MUC17: variants seen among roughly 807,000 people sequenced by gnomAD.
MUC17 encodes mucin-17.
A neutral mutation model predicts 170.3 loss-of-function variants in MUC17; 190 were observed. That is an observed-to-expected ratio of 1.12 (90% CI 0.99 to 1.26). The LOEUF (loss-of-function observed/expected upper bound fraction) is 1.26, where lower values mean the gene tolerates loss of function less well. Ranked by LOEUF, MUC17 falls within the 50% of genes most tolerant of loss-of-function variation. MUC17 has a pLI of 0.00. For missense variants in MUC17, 6,415 were observed against 5,530.0 expected (o/e 1.16, Z -5.08); for synonymous variants, 2,325 against 2,002.5 (o/e 1.16, Z -4.30).
rs1273924242 is a variant in MUC17 at position 101,041,211 on chromosome 7, T to C, written c.9795T>C (p.Thr3265=). ...TSTEASSSPP[T]AEGTSMPTST... is the part of the protein sequence containing the mutation. ...CTGAAGCCAGTTCATCTCCTCCCAC[T>C]GCTGAAGGTACCAGCATGCCAACCT... is the stretch of plus-strand genomic sequence containing the variant. The change falls in exon 3 of 13, where the codon ACT becomes ACC. Residue 3265 remains threonine, a synonymous_variant. Transcript: ENST00000306151. 6.2e-7 allele frequency: 1 copy of C among 1,613,200 alleles called. No individual in the cohort carries two copies. The highest frequency in any genetic ancestry group is 1.3e-5 in the African/African-American group (1 of 74,778).
At position 101,042,075 on chromosome 7, in the gene MUC17, A is replaced by C. The variant is rs759998491; in HGVS notation, c.10659A>C (p.Gln3553His). The C allele has an allele frequency of 6.2e-7, 1 of 1,613,970 alleles. No homozygotes were observed. The highest frequency in any genetic ancestry group is 8.5e-7 in the Non-Finnish European group (1 of 1,179,992). The change falls in exon 3 of 13, where the codon CAA becomes CAC. Residue 3553 changes from glutamine (Q) to histidine (H), a missense_variant. By Grantham distance (24) the Gln-to-His change is conservative. Coordinates refer to ENST00000306151, the MANE Select transcript of MUC17 (RefSeq NM_001040105.2). The stretch of plus-strand genomic sequence containing the variant: ...ACACTTTTGTTACCAGTTCTAGTCA[A>C]GCCAGTTCATCTCCAGCAACTCTTC... ...DSNTFVTSSSQASSSPATLQV... is the reference protein window; with the variant it reads ...DSNTFVTSSSHASSSPATLQV...
In MUC17 at chr7:101,033,261, A is replaced by C. The variant is rs1039284238; in HGVS notation, c.1845A>C (p.Glu615Asp). The change falls in exon 3 of 13, where the codon GAA becomes GAC. Residue 615 changes from glutamate to aspartate, a missense_variant. Physicochemically the swap from Glu to Asp is conservative, Grantham distance 45. Coordinates refer to ENST00000306151, the MANE Select transcript of MUC17 (RefSeq NM_001040105.2). The part of the protein sequence containing the change: ...SEASSSSTTA[E>D]GTSMPTSTYS... ...CTAGTTCATCTTCTACAACTGCTGA[A>C]GGTACCAGCATGCCAACCTCAACTT... is the stretch of plus-strand genomic sequence containing the variant. 1.8e-5 allele frequency: 29 copies of C among 1,613,896 alleles called. 1 individual carries two copies. The highest frequency in any genetic ancestry group is 1.0e-4 in the Admixed American group (6 of 59,976).
At position 101,034,018 on chromosome 7, in the gene MUC17, A is replaced by G. The variant is rs1484473615; in HGVS notation, c.2602A>G (p.Thr868Ala). 1.2e-6 allele frequency: 2 copies of G among 1,601,642 alleles called. No homozygotes were observed. Among genetic ancestry groups the G allele is most frequent in the South Asian group, 1.1e-5 (1 of 89,744 alleles). ...STYSEGRTPL[T>A]SMPVSTTLVA... The stretch of plus-strand genomic sequence containing the variant: ...TTATAGTGAAGGAAGAACTCCTTTA[A>G]CAAGTATGCCTGTCAGCACCACACT... The change falls in exon 3 of 13, where the codon ACA (threonine) becomes GCA (alanine). Residue 868 changes from threonine (T) to alanine (A), a missense_variant. Thr to Ala is a moderately conservative substitution (Grantham distance 58). Transcript: ENST00000306151.
chr7:101,057,865 G>A, intron 12 of MUC17, 138 bp from the exon 13 acceptor site: 1 of 672,556 alleles, frequency 1.5e-6, no homozygotes. Context: ...GGATGGCAGA[G>A]TAAGACCCTG....
intron 1 of MUC17, among the ~76,000 whole-genome samples, chr7:101,020,418 C>A (rs1328585696): frequency 1.3e-5 from 2 of 152,176 alleles, no homozygotes; most frequent in African/African-American, 4.8e-5. Flanking sequence ...GGCATTGGAG[C>A]CTCTTCCAGT....
rs776495346 is a variant in MUC17 at position 101,037,090 on chromosome 7, G to C, written c.5674G>C (p.Ala1892Pro). 2 of 1,583,276 alleles carry C rather than the reference G, an allele frequency of 1.3e-6. No individual in the cohort carries two copies. The highest frequency in any genetic ancestry group is 1.7e-5 in the Admixed American group (1 of 58,138). The change falls in exon 3 of 13, where the codon GCT (alanine) becomes CCT (proline). Residue 1892 changes from alanine (A) to proline (P), a missense_variant. Coordinates refer to ENST00000306151, the MANE Select transcript of MUC17 (RefSeq NM_001040105.2). ...AACCAACACCCTTTCAACAACTCCC[G>C]CTGTCACCAGCACACCTGTGACCAC... is the stretch of plus-strand genomic sequence containing the variant. The part of the protein sequence containing the change: ...SETNTLSTTP[A>P]VTSTPVTTYA...
chr7:101,050,784 A>G, intron 7 of MUC17, 149 bp downstream of exon 7: 1 of 1,219,182 alleles, frequency 8.2e-7, no homozygotes. Flanking sequence ...GTTGCAGCGC[A>G]AAGAAGCCCC....
chr7:101,023,173 G>T (rs1033439465), intron 1 of MUC17, among the ~76,000 whole-genome samples: 1 of 151,956 alleles, frequency 6.6e-6, no homozygotes, highest in East Asian at 1.9e-4. Flanking sequence ...ACTTCATCTC[G>T]CTGTGGGTGT....
chr7:101,042,941 C>T lies in MUC17; in HGVS notation c.11525C>T (p.Thr3842Ile), dbSNP rs1297609468. ...ACACTTTCAACACCTCCTGGTGATA[C>T]CAGCACACCTTTGCTCACCTCTACC... ...ASTLSTPPGDTSTPLLTSTKA... is the reference protein window; with the variant it reads ...ASTLSTPPGDISTPLLTSTKA... Residue 3842 changes from threonine (T) to isoleucine (I), a missense_variant, in exon 3 of 13, where the codon ACC becomes ATC. By Grantham distance (89) the Thr-to-Ile change is moderately conservative (BLOSUM62 -1). Transcript: ENST00000306151. 6.2e-7 allele frequency: 1 copy of T among 1,614,160 alleles called. No homozygotes were observed. Among genetic ancestry groups the T allele is most frequent in the Non-Finnish European group, 8.5e-7 (1 of 1,180,038 alleles).
intron 7 of MUC17, 124 bp from the exon 8 acceptor site, chr7:101,051,489 C>T (rs975674660): frequency 3.0e-5 from 25 of 846,282 alleles, no homozygotes; most frequent in East Asian, 8.3e-5. Context: ...GCCCCTCTGC[C>T]GGGGCCGGAT....
At chr7:101,028,336 G>A (rs1270037468) in intron 1 of MUC17, among the ~76,000 whole-genome samples, 1 of 151,782 alleles carries the variant, frequency 6.6e-6, no homozygotes. Flanking sequence ...TGATCTGCCC[G>A]CCTCGGCCTC....
chr7:101,056,253 A>G lies in MUC17; in HGVS notation c.13423A>G (p.Ile4475Val). The G allele has an allele frequency of 5.0e-6, 8 of 1,613,916 alleles. No homozygotes were observed. Among genetic ancestry groups the G allele is most frequent in the Non-Finnish European group, 5.9e-6 (7 of 1,179,882 alleles). ...YSNFQPSLRH[I>V]DPETKIRIQR... The stretch of plus-strand genomic sequence containing the variant: ...TAATTTCCAGCCCTCCTTGAGACAC[A>G]TAGACCCTGAAACAAAGGTAAGAAG... The change falls in exon 12 of 13, where the codon ATA becomes GTA. Residue 4475 changes from isoleucine (I) to valine (V), a missense_variant. Transcript: ENST00000306151.
chr7:101,026,857 G>A (rs1794189143), intron 1 of MUC17, among the ~76,000 whole-genome samples: 1 of 152,100 alleles, frequency 6.6e-6, no homozygotes, highest in African/African-American at 2.4e-5. Flanking sequence ...TGGGACTACA[G>A]GCACGCACCA....
rs1387004689 is a variant in MUC17, at chr7:101,035,689, A to G, written c.4273A>G (p.Thr1425Ala). 6.2e-7 allele frequency: 1 copy of G among 1,607,026 alleles called. No homozygotes were observed. The highest frequency in any genetic ancestry group is 8.5e-7 in the Non-Finnish European group (1 of 1,176,196). Residue 1425 changes from threonine to alanine, a missense_variant, in exon 3 of 13, where the codon ACC becomes GCC. Thr to Ala is a moderately conservative substitution (Grantham distance 58). Coordinates refer to ENST00000306151, the MANE Select transcript of MUC17 (RefSeq NM_001040105.2). ...TTCAGCAACTCCTGTTGACACCAGC[A>G]CCCCTGGGACCACTTCTGCTGAAGC... ...TLSATPVDTS[T>A]PGTTSAEATS...
chr7:101,034,620 C>T lies in MUC17; in HGVS notation c.3204C>T (p.Asp1068=), dbSNP rs551869721. Residue 1068 remains aspartate (D), a synonymous_variant, in exon 3 of 13, where the codon GAC becomes GAT. Transcript: ENST00000306151. The stretch of plus-strand genomic sequence containing the variant: ...GCACACTTTCAACAACTCCTGCTGA[C>T]ACCAGCACACCTGTGACCACTTATT... ...ETSTLSTTPA[D]TSTPVTTYSQ... is the part of the protein sequence containing the mutation. The T allele has an allele frequency of 6.2e-6, 10 of 1,607,600 alleles. No homozygotes were observed. The highest frequency in any genetic ancestry group is 2.2e-5 in the East Asian group (1 of 44,656).
Position 101,050,587 on chromosome 7 carries a change from A to G in MUC17, c.12826A>G (p.Ile4276Val). 1 of 1,614,204 alleles carries G rather than the reference A, an allele frequency of 6.2e-7. No individual in the cohort carries two copies. The highest frequency in any genetic ancestry group is 2.2e-5 in the East Asian group (1 of 44,880). ...DNATEVVKEK[I>V]TKVTTQQIMI... Reference sequence around the variant, plus strand: ...TGCCACCGAAGTAGTGAAAGAGAAAATCACAAAAGTGACCACACAGCAAAT... The same window carrying G: ...TGCCACCGAAGTAGTGAAAGAGAAAGTCACAAAAGTGACCACACAGCAAAT... The change falls in exon 7 of 13, where the codon ATC (isoleucine) becomes GTC (valine). Residue 4276 changes from isoleucine (I) to valine (V), a missense_variant. By Grantham distance (29) the Ile-to-Val change is conservative. Transcript: ENST00000306151.
chr7:101,041,053 C>G lies in MUC17; in HGVS notation c.9637C>G (p.Pro3213Ala), dbSNP rs752796578. The G allele has an allele frequency of 2.9e-5, 46 of 1,613,420 alleles. No homozygotes were observed. The Admixed American group carries it at 7.7e-4, about 27-fold the overall frequency. ...TACAACTGCTGAAGGTACCAGCATT[C>G]CAACCTCAACTCCTAGTGAAGGAAT... ...SSTTAEGTSIPTSTPSEGMTP... is the reference protein window; with the variant it reads ...SSTTAEGTSIATSTPSEGMTP... The change falls in exon 3 of 13, where the codon CCA becomes GCA. Residue 3213 changes from proline to alanine, a missense_variant. Transcript: ENST00000306151.
At chr7:101,056,106 C>T (rs755153143) in intron 11 of MUC17, 88 bp from the exon 12 acceptor site, 137 of 1,577,948 alleles carry the variant, frequency 8.7e-5, no homozygotes, top group Admixed American at 7.2e-4. Flanking sequence ...AAAACTGTCT[C>T]ATCCTCCATC....
chr7:101,033,207 C>T lies in MUC17; in HGVS notation c.1791C>T (p.Ser597=), dbSNP rs761255779. Residue 597 remains serine, a synonymous_variant, in exon 3 of 13, where the codon TCC becomes TCT. Transcript: ENST00000306151. ...ASTTSTTPAD[S]NTFVTTSSEA... ...CCACTTCAACAACTCCTGCTGACTC[C>T]AACACTTTTGTGACCACTTCTAGTG... The T allele has an allele frequency of 1.2e-6, 2 of 1,614,032 alleles. No homozygotes were observed. Among genetic ancestry groups the T allele is most frequent in the East Asian group, 2.2e-5 (1 of 44,858 alleles).
Sources: gnomAD v4.1 joint callset for allele counts (sites outside exome capture counted in the v4.1 genomes callset) on GRCh38, gnomAD v4.1.1 for gene constraint, MANE v1.5 for transcripts, NCBI Gene and HGNC (gene_info 2026-07-23, HGNC 2026-07-21) for gene names.